RILPL1: variants seen among roughly 807,000 people sequenced by gnomAD.
RILPL1 encodes Rab interacting lysosomal protein like 1.
RILPL1 carries 33 observed loss-of-function variants against 50.3 expected under a neutral mutation model. The ratio of observed to expected loss-of-function variants is 0.66; its 90% confidence interval spans 0.50 to 0.88. The LOEUF is 0.88. Ranked by LOEUF, RILPL1 falls within the 40% of genes least tolerant of loss-of-function variation. The pLI is 0.00. For missense variants in RILPL1, 418 were observed against 542.5 expected (o/e 0.77, Z 2.28); for synonymous variants, 205 against 228.6 (o/e 0.90, Z 0.93).
chr12:123,522,804 G>C lies in RILPL1; in HGVS notation c.460+691C>G, dbSNP rs1885114464. Among the ~76,000 whole-genome samples the C allele has an allele frequency of 6.6e-6, 1 of 151,954 alleles. No individual in the cohort carries two copies. Among genetic ancestry groups the C allele is most frequent in the Admixed American group, 6.6e-5 (1 of 15,246 alleles). ...TAGAGACGGGGTCTATGTTGCCCAG[G>C]CTGGTCTCAAACTCCTGGCTCCAAG... On this transcript the variant is annotated intron_variant, in intron 2 of 6. Transcript: ENST00000376874. The surrounding 1 kb of genome is among the most constrained non-coding windows in gnomAD (Gnocchi z 4.0).
chr12:123,491,586 C>T lies in RILPL1; in HGVS notation c.802-5781G>A, dbSNP rs188295113. Among the ~76,000 whole-genome samples, 1 of 152,370 alleles carries T rather than the reference C, an allele frequency of 6.6e-6. No homozygotes were observed. Among genetic ancestry groups the T allele is most frequent in the East Asian group, 1.9e-4 (1 of 5,186 alleles). On this transcript the variant is annotated intron_variant, in intron 4 of 6. Transcript: ENST00000376874. This position sits in a 1 kb window ranked among gnomAD's most constrained non-coding sequence, Gnocchi z 4.0. ...GGGGAACGACTGTGCTCTGGTCACA[C>T]TTGGCACCACCAGGCCTAGCATAAA...
At chr12:123,475,477 C>G (rs1421599834) in intron 6 of RILPL1, 4 of 589,116 alleles carry the variant, frequency 6.8e-6, no homozygotes, top group African/African-American at 5.6e-5. Flanking sequence ...AGGCTTCGCT[C>G]GAGTAGACCG....
intron 2 of RILPL1, among the ~76,000 whole-genome samples, chr12:123,520,265 A>C (rs1331926894): frequency 6.6e-6 from 1 of 152,216 alleles, no homozygotes; most frequent in Non-Finnish European, 1.5e-5. Context: ...CAATTCGGAC[A>C]TGAAAAGGCA....
In RILPL1 at chr12:123,472,305, A is replaced by T. The variant is rs1454341448; in HGVS notation, c.*233T>A. 1 of 510,602 alleles carries T rather than the reference A, an allele frequency of 2.0e-6. No individual in the cohort carries two copies. The allele number at this position is 510,602 out of a possible 1,614,324, so 31.6% of individuals were successfully genotyped here. ...GATTATTAAATATATATCCTACGGG[A>T]TCAGAGTCATCTATTAGAAACAGTG... On this transcript the variant is annotated 3_prime_UTR_variant, in exon 7 of 7. Transcript: ENST00000376874.
At chr12:123,496,930 C>T (rs942626676) in intron 4 of RILPL1, among the ~76,000 whole-genome samples, 6 of 152,230 alleles carry the variant, frequency 3.9e-5, no homozygotes, top group Admixed American at 1.3e-4. Flanking sequence ...ACTCCATGCC[C>T]ATCGGCAGTC....
chr12:123,499,659 CCTCTCCA>C, intron 2 of RILPL1, 123 bp from the exon 3 acceptor site: 1 of 710,868 alleles, frequency 1.4e-6, no homozygotes, highest in Non-Finnish European at 2.5e-6. Flanking sequence ...CCAGCCTCAT[CCTCTCCA>C]CTCTCCACTC....
intron 2 of RILPL1, among the ~76,000 whole-genome samples, chr12:123,503,108 G>A (rs1307701966): frequency 4.0e-5 from 6 of 148,334 alleles, no homozygotes; most frequent in African/African-American, 7.5e-5. Flanking sequence ...GGATGGTCTC[G>A]ATCTCCTGAC....
At chr12:123,495,909 G>T (rs1883005324) in intron 4 of RILPL1, among the ~76,000 whole-genome samples, 2 of 150,484 alleles carry the variant, frequency 1.3e-5, no homozygotes, top group South Asian at 4.2e-4. Context: ...TTGAACTCCT[G>T]AGCTCAGGAA....
At chr12:123,481,456 C>T (rs777752302) in intron 6 of RILPL1, among the ~76,000 whole-genome samples, 9 of 151,958 alleles carry the variant, frequency 5.9e-5, no homozygotes, top group Non-Finnish European at 1.2e-4. Flanking sequence ...ATGGAGCCCA[C>T]AGAGGAAAAC....
At chr12:123,530,936 G>C (rs1435951902) in intron 1 of RILPL1, among the ~76,000 whole-genome samples, 1 of 152,118 alleles carries the variant, frequency 6.6e-6, no homozygotes, top group South Asian at 2.1e-4. Flanking sequence ...AGGAGTAGGG[G>C]GAAGAAAGTG....
In RILPL1 at chr12:123,533,560, CCGGGCCCAGCCTGGGCCGCGGGCGGG is replaced by C; in HGVS notation, c.-104_-79del. The C allele has an allele frequency of 8.1e-7, 1 of 1,237,286 alleles. No homozygotes were observed. The highest frequency in any genetic ancestry group is 2.2e-5 in the South Asian group (1 of 44,864). The allele number at this position is 1,237,286 out of a possible 1,614,324, so 76.6% of individuals were successfully genotyped here. A position where few individuals can be genotyped will look rare whatever the true frequency, so the allele number is the denominator to read the frequency against. On this transcript the variant is annotated 5_prime_UTR_variant, in exon 1 of 7. Coordinates refer to ENST00000376874, the MANE Select transcript of RILPL1 (RefSeq NM_178314.5). This position sits in a 1 kb window ranked among gnomAD's most constrained non-coding sequence, Gnocchi z 6.2. ...TTGCCGCTGTCGAGGGCCGGGCCGGCCGGGCCCAGCCTGGGCCGCGGGCGGGCGCGCTCAGCGGGCGCTGGGGCGAG... is the reference window on the plus strand; with the variant it reads ...TTGCCGCTGTCGAGGGCCGGGCCGGCCGCGCTCAGCGGGCGCTGGGGCGAG...
chr12:123,518,589 T>C (rs934435167), intron 2 of RILPL1, among the ~76,000 whole-genome samples: 3 of 151,610 alleles, frequency 2.0e-5, no homozygotes, highest in African/African-American at 4.8e-5. Context: ...AATATGAATA[T>C]ATACACATAT....
At chr12:123,480,351 T>C (rs1881884020) in intron 6 of RILPL1, among the ~76,000 whole-genome samples, 1 of 151,640 alleles carries the variant, frequency 6.6e-6, no homozygotes, top group African/African-American at 2.4e-5. Flanking sequence ...TTAGTAGAGA[T>C]GGGGGTTTCA....
At chr12:123,477,275 C>A (rs570104046) in intron 6 of RILPL1, among the ~76,000 whole-genome samples, 4 of 151,566 alleles carry the variant, frequency 2.6e-5, no homozygotes, top group Non-Finnish European at 5.9e-5. Context: ...GTTTGGATTA[C>A]CTTTGATGTG....
rs1882289775 is a variant in RILPL1, at chr12:123,485,771, G to GCGT, written c.833_835dup (p.Asp278dup). 2 of 1,610,998 alleles carry GCGT rather than the reference G, an allele frequency of 1.2e-6. No homozygotes were observed. Among genetic ancestry groups the GCGT allele is most frequent in the Non-Finnish European group, 1.7e-6 (2 of 1,178,772 alleles). ...CTTGAGATCCATGGCCACCTTCTCT[G>GCGT]CGTCGGAGATGCTCTCCTCTCCCAC... is the stretch of plus-strand genomic sequence containing the variant. On this transcript the variant is annotated inframe_insertion, in exon 5 of 7. Transcript: ENST00000376874. This position sits in a 1 kb window ranked among gnomAD's most constrained non-coding sequence, Gnocchi z 4.0.
chr12:123,526,928 T>A (rs899326587), intron 1 of RILPL1, among the ~76,000 whole-genome samples: 1 of 152,072 alleles, frequency 6.6e-6, no homozygotes. Flanking sequence ...ATCAGTCAAG[T>A]GTAACTGGCT....
chr12:123,525,700 CA>C (rs1207503097), intron 1 of RILPL1, among the ~76,000 whole-genome samples: 50 of 44,982 alleles, frequency 1.1e-3, no homozygotes, highest in African/African-American at 2.6e-3. Context: ...GACACTGTCT[CA>C]AAAAAAAAAA....
At chr12:123,503,388 A>G (rs907137256) in intron 2 of RILPL1, among the ~76,000 whole-genome samples, 14 of 150,766 alleles carry the variant, frequency 9.3e-5, no homozygotes, top group Admixed American at 3.3e-4. Flanking sequence ...TTTAGTACAG[A>G]TGGGGTTTCA....
At chr12:123,518,927 C>T (rs1018484236) in intron 2 of RILPL1, among the ~76,000 whole-genome samples, 2 of 151,626 alleles carry the variant, frequency 1.3e-5, no homozygotes, top group Admixed American at 6.6e-5. Flanking sequence ...CGTGGTGGCA[C>T]GTGCCTGTGG....
Sources: gnomAD v4.1 joint callset for allele counts (sites outside exome capture counted in the v4.1 genomes callset) on GRCh38, gnomAD v4.1.1 for gene constraint, Gnocchi (gnomAD v3.1) non-coding constraint, MANE v1.5 for transcripts, NCBI Gene and HGNC (gene_info 2026-07-23, HGNC 2026-07-21) for gene names.